The following CFAP299 variants were observed in gnomAD, a reference collection of about 807,000 sequenced individuals.
CFAP299 encodes the protein cilia- and flagella-associated protein 299.
A neutral mutation model predicts 27.0 loss-of-function variants in CFAP299; 21 were observed. That is an observed-to-expected ratio of 0.78 (90% CI 0.55 to 1.12). CFAP299 has a LOEUF of 1.12. CFAP299 is among the 50% of genes most tolerant of loss of function. CFAP299 has a pLI of 0.00. For synonymous variants in CFAP299, 104 were observed against 98.1 expected (o/e 1.06, Z -0.36); for missense variants, 310 against 276.6 (o/e 1.12, Z -0.86).
At chr4:80,664,868 A>C (rs1741068688) in intron 3 of CFAP299, among the ~76,000 whole-genome samples, 1 of 152,146 alleles carries the variant, frequency 6.6e-6, no homozygotes, top group South Asian at 2.1e-4. Flanking sequence ...GTAGGCACCC[A>C]AGGGAATCTC....
rs1411877076 is a variant in CFAP299 at position 80,653,679 on chromosome 4, T to C, written c.333+70496T>C. Among the ~76,000 whole-genome samples the C allele has an allele frequency of 2.6e-5, 4 of 152,172 alleles. No individual in the cohort carries two copies. In the East Asian group the frequency reaches 7.7e-4, roughly 29 times the overall value. On this transcript the variant is annotated intron_variant, in intron 3 of 5. Transcript: ENST00000358105. ...CACAAGGACACAATGCTTTATATAATAAAAGGATAGTATCAAGAAAAACTT... is the reference window on the plus strand; with the variant it reads ...CACAAGGACACAATGCTTTATATAACAAAAGGATAGTATCAAGAAAAACTT...
At chr4:80,532,166 T>C (rs1197993692) in intron 2 of CFAP299, among the ~76,000 whole-genome samples, 1 of 152,194 alleles carries the variant, frequency 6.6e-6, no homozygotes, top group Non-Finnish European at 1.5e-5. Flanking sequence ...ATTTGAGCCA[T>C]AGAGAAGCAA....
intron 3 of CFAP299, among the ~76,000 whole-genome samples, chr4:80,779,046 A>G (rs1394189290): frequency 6.6e-6 from 1 of 152,028 alleles, no homozygotes; most frequent in East Asian, 1.9e-4. Context: ...CATATATATT[A>G]CCTAACTCAA....
chr4:80,465,884 G>T (rs1429554943), intron 2 of CFAP299, among the ~76,000 whole-genome samples: 3 of 152,190 alleles, frequency 2.0e-5, no homozygotes, highest in Non-Finnish European at 4.4e-5. Context: ...GAAAAGGAAT[G>T]CTGAAGGAAT....
chr4:80,687,760 A>G (rs936450563), intron 3 of CFAP299, among the ~76,000 whole-genome samples: 1 of 152,174 alleles, frequency 6.6e-6, no homozygotes, highest in Non-Finnish European at 1.5e-5. Context: ...TGATTTCTGC[A>G]TTTCCATCTG....
At chr4:80,362,655 C>A in intron 1 of CFAP299, 99 bp from the exon 2 acceptor site, 2 of 1,233,032 alleles carry the variant, frequency 1.6e-6, no homozygotes, top group Non-Finnish European at 2.2e-6. Flanking sequence ...TCATTTAAAG[C>A]AATTGCTTGG....
At chr4:80,745,316 T>C (rs981167886) in intron 3 of CFAP299, among the ~76,000 whole-genome samples, 14 of 152,066 alleles carry the variant, frequency 9.2e-5, no homozygotes, top group Admixed American at 7.9e-4. Flanking sequence ...ATGCCTTAGA[T>C]TGTATAAAAA....
rs1411891902 is a variant in CFAP299 at position 80,864,447 on chromosome 4, T to TAC, written c.334-5545_334-5544dup. ...ATATATAGGTATATATATATATATATACCTATATAAGTATATATATACCTA... is the reference window on the plus strand; with the variant it reads ...ATATATAGGTATATATATATATATATACACCTATATAAGTATATATATACCTA... On this transcript the variant is annotated intron_variant, in intron 3 of 5. Coordinates refer to ENST00000358105, the MANE Select transcript of CFAP299 (RefSeq NM_152770.3). 6.2e-5 allele frequency among the ~76,000 whole-genome samples: 9 copies of TAC among 144,668 alleles called. No homozygotes were observed. The East Asian group carries it at 1.2e-3, about 19-fold the overall frequency. The allele number at this position is 144,668 out of a possible 152,430, so 94.9% of individuals were successfully genotyped here.
rs1187151292 is a variant in CFAP299, at chr4:80,384,469, T to C, written c.242+21585T>C. 2.6e-5 allele frequency among the ~76,000 whole-genome samples: 4 copies of C among 152,342 alleles called. No homozygotes were observed. In the East Asian group the frequency reaches 7.7e-4, roughly 29 times the overall value. Reference sequence around the variant, plus strand: ...CACTTGTAATTTTTAAATGAAACTGTCAAGTTATACCATTGACACAAAGAA... The same window carrying C: ...CACTTGTAATTTTTAAATGAAACTGCCAAGTTATACCATTGACACAAAGAA... On this transcript the variant is annotated intron_variant, in intron 2 of 5. Transcript: ENST00000358105.
chr4:80,658,483 A>G (rs965550191), intron 3 of CFAP299, among the ~76,000 whole-genome samples: 5 of 152,140 alleles, frequency 3.3e-5, no homozygotes, highest in African/African-American at 1.2e-4. Context: ...GCATCTATTG[A>G]GATAATCATC....
At chr4:80,795,533 A>T (rs1727805141) in intron 3 of CFAP299, among the ~76,000 whole-genome samples, 1 of 152,014 alleles carries the variant, frequency 6.6e-6, no homozygotes, top group African/African-American at 2.4e-5. Flanking sequence ...ATCATAGGGA[A>T]CTCCCCATGA....
At chr4:80,658,190 G>A (rs1417455667) in intron 3 of CFAP299, among the ~76,000 whole-genome samples, 3 of 152,136 alleles carry the variant, frequency 2.0e-5, no homozygotes, top group African/African-American at 7.2e-5. Context: ...GGGACAATTT[G>A]ACTTCTTCTC....
intron 4 of CFAP299, among the ~76,000 whole-genome samples, chr4:80,885,171 A>G (rs1733913243): frequency 6.6e-6 from 1 of 152,206 alleles, no homozygotes; most frequent in Non-Finnish European, 1.5e-5. Context: ...TATTTGGACC[A>G]GCCCTAGCCA....
At chr4:80,574,416 C>G (rs1735745489) in intron 2 of CFAP299, among the ~76,000 whole-genome samples, 1 of 152,100 alleles carries the variant, frequency 6.6e-6, no homozygotes, top group African/African-American at 2.4e-5. Context: ...AATTTGACTT[C>G]TTCCTTTGCA....
chr4:80,812,125 A>C (rs1729185664), intron 3 of CFAP299, among the ~76,000 whole-genome samples: 1 of 152,262 alleles, frequency 6.6e-6, no homozygotes, highest in African/African-American at 2.4e-5. Context: ...AATTCCAAAA[A>C]GTAAGTTTGT....
intron 1 of CFAP299, among the ~76,000 whole-genome samples, chr4:80,353,256 G>A (rs1279043629): frequency 6.6e-6 from 1 of 152,150 alleles, no homozygotes; most frequent in Non-Finnish European, 1.5e-5. Flanking sequence ...ATAAAAAGAT[G>A]TGGCCACTTT....
intron 2 of CFAP299, among the ~76,000 whole-genome samples, chr4:80,568,690 G>A (rs903165423): frequency 2.0e-5 from 3 of 152,006 alleles, no homozygotes; most frequent in Non-Finnish European, 4.4e-5. Flanking sequence ...CTGGCTTCCT[G>A]TATGGAGAGG....
At chr4:80,568,811 G>A (rs1735440398) in intron 2 of CFAP299, among the ~76,000 whole-genome samples, 3 of 152,076 alleles carry the variant, frequency 2.0e-5, no homozygotes, top group Non-Finnish European at 2.9e-5. Flanking sequence ...TAGACTGAGG[G>A]TTGAGGGCTA....
At chr4:80,456,733 A>G (rs1028256820) in intron 2 of CFAP299, among the ~76,000 whole-genome samples, 5 of 152,170 alleles carry the variant, frequency 3.3e-5, no homozygotes, top group Non-Finnish European at 7.4e-5. Context: ...ACCATGTTGG[A>G]GTTCAGTGGA....
Sources: allele counts gnomAD v4.1 joint callset (sites outside exome capture counted in the v4.1 genomes callset), GRCh38; gene constraint gnomAD v4.1.1; transcripts MANE v1.5; gene names NCBI Gene and HGNC (gene_info 2026-07-23, HGNC 2026-07-21).